Variants in FYN observed in about 807,000 individuals in gnomAD.
The protein encoded by FYN is tyrosine-protein kinase Fyn.
Under a neutral mutation model 70.2 loss-of-function variants are expected in FYN, and 10 were observed. The observed-to-expected ratio is 0.14, with a 90% CI of 0.09 to 0.24. The LOEUF (loss-of-function observed/expected upper bound fraction) is 0.24. Ranked by LOEUF, FYN falls within the 10% of genes least tolerant of loss-of-function variation. The pLI is 1.00. For missense variants in FYN, 319 were observed against 673.1 expected, an observed-to-expected ratio of 0.47 and a Z score of 5.82; for synonymous variants, 236 against 248.6, an observed-to-expected ratio of 0.95 and a Z score of 0.48.
intron 2 of FYN, among the ~76,000 whole-genome samples, chr6:111,806,595 C>G (rs1583460407): frequency 6.6e-6 from 1 of 152,326 alleles, no homozygotes; most frequent in East Asian, 1.9e-4. Context: ...TTAGCCTCAG[C>G]AGAGTGACCC....
chr6:111,686,582 T>C (rs1460028750), intron 12 of FYN, among the ~76,000 whole-genome samples: 1 of 152,232 alleles, frequency 6.6e-6, no homozygotes, highest in East Asian at 1.9e-4. Context: ...GGGTTTGCTT[T>C]TCATGAAAGG....
intron 4 of FYN, among the ~76,000 whole-genome samples, chr6:111,719,384 T>G (rs1800828517): frequency 6.6e-6 from 1 of 151,178 alleles, no homozygotes; most frequent in Admixed American, 6.6e-5. Context: ...CATTAATATC[T>G]AGAGAACTCA....
At chr6:111,862,567 A>T (rs1773991843) in intron 1 of FYN, among the ~76,000 whole-genome samples, 1 of 152,148 alleles carries the variant, frequency 6.6e-6, no homozygotes, top group African/African-American at 2.4e-5. Context: ...CCACACTGTG[A>T]ATGACAGTGT....
chr6:111,865,392 G>A (rs1283260014), intron 1 of FYN, among the ~76,000 whole-genome samples: 2 of 152,102 alleles, frequency 1.3e-5, no homozygotes, highest in African/African-American at 2.4e-5. Context: ...ACAACAACTC[G>A]GAGTCTTACA....
intron 13 of FYN, among the ~76,000 whole-genome samples, chr6:111,664,532 C>A (rs996340286): frequency 6.6e-6 from 1 of 152,188 alleles, no homozygotes; most frequent in Admixed American, 6.5e-5. Context: ...GCCACTGGGT[C>A]ATTTTTCCAG....
At chr6:111,695,608 A>G (rs2128437669) in intron 10 of FYN, among the ~76,000 whole-genome samples, 1 of 152,376 alleles carries the variant, frequency 6.6e-6, no homozygotes, top group East Asian at 1.9e-4. Flanking sequence ...TTTAAAAGAA[A>G]GTACATGGAA....
At chr6:111,696,535 A>G (rs767660787) in intron 9 of FYN, 79 bp from the exon 10 acceptor site, 1 of 1,164,064 alleles carries the variant, frequency 8.6e-7, no homozygotes, top group Non-Finnish European at 1.2e-6. Flanking sequence ...AGCTATTTGC[A>G]TAAGATTAGA....
chr6:111,735,313 T>C (rs958725311), intron 3 of FYN, among the ~76,000 whole-genome samples: 13 of 152,148 alleles, frequency 8.5e-5, no homozygotes, highest in African/African-American at 2.4e-5. Flanking sequence ...TGGCTGAGCT[T>C]GAGAAGCAGT....
chr6:111,872,449 T>G (rs542329720), intron 1 of FYN, among the ~76,000 whole-genome samples: 26 of 141,744 alleles, frequency 1.8e-4, no homozygotes, highest in African/African-American at 6.6e-4. Flanking sequence ...ATGGGGGAAG[T>G]GCAAGGGAGG....
intron 8 of FYN, among the ~76,000 whole-genome samples, chr6:111,702,093 T>C (rs139234015): frequency 2.0e-5 from 3 of 152,148 alleles, no homozygotes; most frequent in African/African-American, 4.8e-5. Context: ...CTAGGCTTAA[T>C]AGGATATAGA....
At chr6:111,870,585 C>T (rs1774242398) in intron 1 of FYN, among the ~76,000 whole-genome samples, 1 of 152,130 alleles carries the variant, frequency 6.6e-6, no homozygotes, top group Non-Finnish European at 1.5e-5. Context: ...AGATAAGGTT[C>T]CTTTTATCAA....
intron 3 of FYN, among the ~76,000 whole-genome samples, chr6:111,753,668 C>T (rs1253932318): frequency 3.3e-5 from 5 of 150,950 alleles, no homozygotes; most frequent in South Asian, 2.1e-4. Flanking sequence ...AAGTACAGGA[C>T]GGTGGACATG....
At chr6:111,829,358 G>A (rs373660781) in intron 2 of FYN, among the ~76,000 whole-genome samples, 140 of 152,190 alleles carry the variant, frequency 9.2e-4, no homozygotes, top group African/African-American at 3.1e-3. Flanking sequence ...CTATCTCACC[G>A]GTCTGTAGTA....
chr6:111,705,387 T>C (rs888608478), intron 6 of FYN, among the ~76,000 whole-genome samples: 145 of 150,690 alleles, frequency 9.6e-4, no homozygotes, highest in Non-Finnish European at 1.1e-3. Flanking sequence ...TCTTCTTCTT[T>C]TTTTTTTTTT....
chr6:111,847,391 T>C (rs1773562863), intron 1 of FYN, among the ~76,000 whole-genome samples: 1 of 152,268 alleles, frequency 6.6e-6, no homozygotes, highest in East Asian at 1.9e-4. Context: ...GTACTTCATT[T>C]ATTATCTGCA....
chr6:111,742,997 C>T (rs1231994553), intron 3 of FYN, among the ~76,000 whole-genome samples: 3 of 148,272 alleles, frequency 2.0e-5, no homozygotes, highest in South Asian at 2.1e-4. Flanking sequence ...GAGGGAGTCT[C>T]GTTCTGTTGC....
At chr6:111,793,352 C>T (rs995916364) in intron 2 of FYN, among the ~76,000 whole-genome samples, 1 of 151,892 alleles carries the variant, frequency 6.6e-6, no homozygotes, top group Admixed American at 6.6e-5. Flanking sequence ...ATATTCAAGC[C>T]CATTTTTTTT....
intron 3 of FYN, among the ~76,000 whole-genome samples, chr6:111,734,056 C>T (rs1801588395): frequency 6.6e-6 from 1 of 152,112 alleles, no homozygotes; most frequent in Non-Finnish European, 1.5e-5. Flanking sequence ...TACTACACTC[C>T]AGCCTGGGTG....
intron 1 of FYN, among the ~76,000 whole-genome samples, chr6:111,861,627 G>A (rs1483084892): frequency 1.3e-5 from 2 of 152,148 alleles, no homozygotes; most frequent in Non-Finnish European, 2.9e-5. Context: ...CTCTATCCCA[G>A]ATACATTAAA....
Sources: gnomAD v4.1 joint callset for allele counts (sites outside exome capture counted in the v4.1 genomes callset) on GRCh38, gnomAD v4.1.1 for gene constraint, MANE v1.5 for transcripts, NCBI Gene and HGNC (gene_info 2026-07-23, HGNC 2026-07-21) for gene names.